ACOX2: variants seen among roughly 807,000 people sequenced by gnomAD.
ACOX2 encodes the protein peroxisomal acyl-coenzyme A oxidase 2.
A neutral mutation model predicts 77.5 loss-of-function variants in ACOX2; 59 were observed. The ratio of observed to expected loss-of-function variants is 0.76; its 90% CI spans 0.62 to 0.95. The LOEUF is 0.95. Ranked by LOEUF, ACOX2 falls within the 40% of genes least tolerant of loss-of-function variation. The probability of loss-of-function intolerance (pLI) is 0.00; values close to 1 mark genes in which losing one functional copy is unlikely to be tolerated. For synonymous variants in ACOX2, 317 were observed against 340.1 expected (o/e 0.93, Z 0.75); for missense variants, 837 against 880.4 (o/e 0.95, Z 0.62).
intron 8 of ACOX2, 172 bp from the exon 9 acceptor site, chr3:58,529,128 C>G: frequency 1.7e-6 from 1 of 582,382 alleles, no homozygotes. Context: ...ACATGAACAT[C>G]CACACATTTC....
Position 58,535,211 on chromosome 3 carries a change from G to T in ACOX2, c.-91-14C>A. The T allele has an allele frequency of 6.9e-7, 1 of 1,445,886 alleles. No homozygotes were observed. The highest frequency in any genetic ancestry group is 9.6e-7 in the Non-Finnish European group (1 of 1,041,166). 89.6% of individuals were successfully genotyped at this position (1,445,886 alleles called of 1,614,324 possible). ...AGTGCAAAGAACCTGTGTGCAAGAGGAACTGCCTAGGGCTGGGTGTCAGCC... is the reference window on the plus strand; with the variant it reads ...AGTGCAAAGAACCTGTGTGCAAGAGTAACTGCCTAGGGCTGGGTGTCAGCC... On this transcript the variant is annotated splice_polypyrimidine_tract_variant and intron_variant, in intron 1 of 14. Transcript: ENST00000302819. This position sits in a 1 kb window ranked among gnomAD's most constrained non-coding sequence, Gnocchi z 4.8.
intron 1 of ACOX2, among the ~76,000 whole-genome samples, 192 bp downstream of exon 1, chr3:58,536,927 C>G (rs2063485932): frequency 6.6e-6 from 1 of 152,232 alleles, no homozygotes; most frequent in African/African-American, 2.4e-5. Context: ...AACACAGAAA[C>G]TGCAAGAGGG....
chr3:58,516,004 AT>A (rs11287316), intron 13 of ACOX2, among the ~76,000 whole-genome samples: 147,918 of 150,674 alleles, frequency 0.98, 72,658 homozygotes, highest in East Asian at 1. Context: ...TTTTATTTCT[AT>A]TTTTTTCTAG....
At chr3:58,511,136 T>G in intron 13 of ACOX2, 1 of 448,400 alleles carries the variant, frequency 2.2e-6, no homozygotes, top group Non-Finnish European at 4.5e-6. Flanking sequence ...CTCTTCAGGC[T>G]CTCAGCTCAG....
chr3:58,517,478 C>T, intron 12 of ACOX2, 55 bp from the exon 13 acceptor site: 2 of 1,547,874 alleles, frequency 1.3e-6, no homozygotes, highest in Non-Finnish European at 1.8e-6. Flanking sequence ...CTCCAGAAGT[C>T]ACCCTGGAAG....
chr3:58,510,479 A>G (rs942390216), intron 13 of ACOX2, among the ~76,000 whole-genome samples: 20 of 150,436 alleles, frequency 1.3e-4, no homozygotes, highest in African/African-American at 4.9e-4. Context: ...CTAAAAATAC[A>G]AAAATTAGCC....
In ACOX2 at chr3:58,522,699, T is replaced by C. The variant is rs1007683348; in HGVS notation, c.1527-98A>G. On this transcript the variant is annotated intron_variant, in intron 11 of 14. Coordinates refer to ENST00000302819, the MANE Select transcript of ACOX2 (RefSeq NM_003500.4). This position sits in a 1 kb window ranked among gnomAD's most constrained non-coding sequence, Gnocchi z 4.3. ...CCTCAGAAGTAGAAATAATGCCTGT[T>C]TATTGACCACTTATGTGCCATAAAG... 2 of 1,032,430 alleles carry C rather than the reference T, an allele frequency of 1.9e-6. No homozygotes were observed. The highest frequency in any genetic ancestry group is 3.7e-5 in the Admixed American group (2 of 53,952). 64.0% of individuals were successfully genotyped at this position (1,032,430 alleles called of 1,614,324 possible).
Position 58,534,180 on chromosome 3 carries a change from T to C in ACOX2, c.324-35A>G. The C allele has an allele frequency of 6.2e-7, 1 of 1,611,780 alleles. No individual in the cohort carries two copies. The highest frequency in any genetic ancestry group is 8.5e-7 in the Non-Finnish European group (1 of 1,178,934). ...AGAGATGCTGTAGTTGAGTAGCTTA[T>C]TGGAGACAGGGGCCCAGGTACCCCC... On this transcript the variant is annotated intron_variant, in intron 3 of 14. Coordinates refer to ENST00000302819, the MANE Select transcript of ACOX2 (RefSeq NM_003500.4). The surrounding 1 kb of genome is among the most constrained non-coding windows in gnomAD (Gnocchi z 4.8).
rs1577000995 is a variant in ACOX2 at position 58,531,921 on chromosome 3, T to C, written c.584-109A>G. The C allele has an allele frequency of 1.4e-6, 2 of 1,412,538 alleles. No homozygotes were observed. Among genetic ancestry groups the C allele is most frequent in the African/African-American group, 1.4e-5 (1 of 69,296 alleles). 87.5% of individuals were successfully genotyped at this position (1,412,538 alleles called of 1,614,324 possible). On this transcript the variant is annotated intron_variant, in intron 5 of 14. Transcript: ENST00000302819. The surrounding 1 kb of genome is among the most constrained non-coding windows in gnomAD (Gnocchi z 5.8). ...TTTTGGATGGGTACCTCTGGGGCCC[T>C]GAAAAGTCACTGATCAAAGAGAGAG...
intron 13 of ACOX2, among the ~76,000 whole-genome samples, chr3:58,510,334 CA>C (rs1323596395): frequency 6.6e-6 from 1 of 151,834 alleles, no homozygotes; most frequent in Non-Finnish European, 1.5e-5. Context: ...ATTACTCTCT[CA>C]AAAATACATT....
chr3:58,509,895 C>T (rs558117075), intron 13 of ACOX2, among the ~76,000 whole-genome samples: 3 of 152,092 alleles, frequency 2.0e-5, no homozygotes, highest in Non-Finnish European at 4.4e-5. Flanking sequence ...CATGAGCCAC[C>T]ATGCCCGGCT....
chr3:58,530,457 A>C lies in ACOX2; in HGVS notation c.992+9T>G. On this transcript the variant is annotated intron_variant, in intron 8 of 14. Coordinates refer to ENST00000302819, the MANE Select transcript of ACOX2 (RefSeq NM_003500.4). ...TATCTGCGGTAGTCAGTCACTGGGC[A>C]CCCCTTGCCTGGGCCGGAGCCGGGA... 6.2e-7 allele frequency: 1 copy of C among 1,612,828 alleles called. No individual in the cohort carries two copies. Among genetic ancestry groups the C allele is most frequent in the Non-Finnish European group, 8.5e-7 (1 of 1,179,154 alleles).
rs2063226397 is a variant in ACOX2 at position 58,505,300 on chromosome 3, G to C, written c.1984-14C>G. On this transcript the variant is annotated splice_polypyrimidine_tract_variant and intron_variant, in intron 14 of 14. Coordinates refer to ENST00000302819, the MANE Select transcript of ACOX2 (RefSeq NM_003500.4). This position sits in a 1 kb window ranked among gnomAD's most constrained non-coding sequence, Gnocchi z 4.4. ...GGCAGGGTTCTCCTGTTTGTAGAAA[G>C]AAACGCATTATTAACACAGTACATT... 1 of 1,607,508 alleles carries C rather than the reference G, an allele frequency of 6.2e-7. No homozygotes were observed. Among genetic ancestry groups the C allele is most frequent in the Non-Finnish European group, 8.5e-7 (1 of 1,175,584 alleles).
intron 13 of ACOX2, among the ~76,000 whole-genome samples, chr3:58,513,199 T>C (rs2063299841): frequency 6.6e-6 from 1 of 152,214 alleles, no homozygotes; most frequent in Non-Finnish European, 1.5e-5. Flanking sequence ...CCATTTCACA[T>C]GGTATACAGT....
Position 58,529,931 on chromosome 3 carries a change from A to G in ACOX2, c.992+535T>C, listed in dbSNP as rs573387699. Among the ~76,000 whole-genome samples the G allele has an allele frequency of 2.6e-5, 4 of 152,338 alleles. No homozygotes were observed. The South Asian group carries it at 8.3e-4, about 32-fold the overall frequency. ...GGGGTGGAGGGAGTGGTAGCAACAC[A>G]ACCAATTACAACAAAAGGGATCCAG... On this transcript the variant is annotated intron_variant, in intron 8 of 14. Coordinates refer to ENST00000302819, the MANE Select transcript of ACOX2 (RefSeq NM_003500.4).
chr3:58,510,497 G>T (rs900795364), intron 13 of ACOX2, among the ~76,000 whole-genome samples: 1 of 150,558 alleles, frequency 6.6e-6, no homozygotes. Context: ...GCCAGGTGTG[G>T]TGGTGTGTGC....
Position 58,524,947 on chromosome 3 carries a change from A to G in ACOX2, c.1347-342T>C, listed in dbSNP as rs1475262232. ...TGTACAGTGACTGGGTGGAAATTAA[A>G]TTTTCTTAGCTGAAAAAAGAAGGAT... On this transcript the variant is annotated intron_variant, in intron 10 of 14. Transcript: ENST00000302819. The surrounding 1 kb of genome is among the most constrained non-coding windows in gnomAD (Gnocchi z 5.5). 6.6e-6 allele frequency among the ~76,000 whole-genome samples: 1 copy of G among 152,252 alleles called. No individual in the cohort carries two copies. The highest frequency in any genetic ancestry group is 1.5e-5 in the Non-Finnish European group (1 of 68,044).
In ACOX2 at chr3:58,533,844, C is replaced by T. The variant is rs765612826; in HGVS notation, c.475+150G>A. 3.7e-6 allele frequency: 4 copies of T among 1,074,286 alleles called. No homozygotes were observed. Among genetic ancestry groups the T allele is most frequent in the Non-Finnish European group, 5.3e-6 (4 of 758,738 alleles). The allele number at this position is 1,074,286 out of a possible 1,614,324, so 66.5% of individuals were successfully genotyped here. ...AAATTAGAAGGTGGCACCCCTTCCT[C>T]AGGACCCTTGACTGCCAGCTGCTGG... On this transcript the variant is annotated intron_variant, in intron 4 of 14. Transcript: ENST00000302819. The surrounding 1 kb of genome is among the most constrained non-coding windows in gnomAD (Gnocchi z 5.6).
chr3:58,522,674 C>T lies in ACOX2; in HGVS notation c.1527-73G>A, dbSNP rs1054649490. 15 of 1,331,974 alleles carry T rather than the reference C, an allele frequency of 1.1e-5. No individual in the cohort carries two copies. The highest frequency in any genetic ancestry group is 3.2e-6 in the Non-Finnish European group (3 of 925,690). 82.5% of individuals were successfully genotyped at this position (1,331,974 alleles called of 1,614,324 possible). A position where few individuals can be genotyped will look rare whatever the true frequency, so the allele number is the denominator to read the frequency against. ...GACAACTGATGGGCTTCCTGTGGTC[C>T]CTCAGAAGTAGAAATAATGCCTGTT... is the stretch of plus-strand genomic sequence containing the variant. On this transcript the variant is annotated intron_variant, in intron 11 of 14. Coordinates refer to ENST00000302819, the MANE Select transcript of ACOX2 (RefSeq NM_003500.4). This position sits in a 1 kb window ranked among gnomAD's most constrained non-coding sequence, Gnocchi z 4.3.
Sources: allele counts gnomAD v4.1 joint callset (sites outside exome capture counted in the v4.1 genomes callset), GRCh38; gene constraint gnomAD v4.1.1; non-coding constraint Gnocchi (gnomAD v3.1); transcripts MANE v1.5; gene names NCBI Gene and HGNC (gene_info 2026-07-23, HGNC 2026-07-21).